Variants in SLC26A4 observed in about 807,000 individuals in gnomAD.
SLC26A4 encodes pendrin.
In SLC26A4, 93 loss-of-function variants were observed where a neutral mutation model predicts 90.4. The ratio of observed to expected loss-of-function variants is 1.03; its 90% CI spans 0.87 to 1.22. SLC26A4 has a LOEUF of 1.22. SLC26A4 is among the 50% of genes most tolerant of loss of function. SLC26A4 has a pLI of 0.00. For missense variants in SLC26A4, 1,127 were observed against 946.2 expected, an observed-to-expected ratio of 1.19 and a Z score of -2.51; for synonymous variants, 393 against 354.6, an observed-to-expected ratio of 1.11 and a Z score of -1.22.
At chr7:107,690,297 G>A in intron 10 of SLC26A4, 60 bp downstream of exon 10, 2 of 1,021,432 alleles carry the variant, frequency 2.0e-6, no homozygotes, top group East Asian at 2.4e-5. Context: ...TGGCAACAGA[G>A]GAAGGCTCGC....
chr7:107,661,365 A>G lies in SLC26A4; in HGVS notation c.-3-274A>G. The G allele has an allele frequency of 1.8e-6, 1 of 563,640 alleles. No individual in the cohort carries two copies. The highest frequency in any genetic ancestry group is 3.2e-6 in the Non-Finnish European group (1 of 313,662). 34.9% of individuals were successfully genotyped at this position (563,640 alleles called of 1,614,324 possible). ...GTGGAACTCGGGAAGCCCCCAGAGC[A>G]GGGGCTTACTCGCTTCAAGTTTGGG... On this transcript the variant is annotated intron_variant, in intron 1 of 20. Coordinates refer to ENST00000644269, the MANE Select transcript of SLC26A4 (RefSeq NM_000441.2). The surrounding 1 kb of genome is among the most constrained non-coding windows in gnomAD (Gnocchi z 5.1).
In SLC26A4 at chr7:107,717,223, G is replaced by A. The variant is rs987168129; in HGVS notation, c.*1777G>A. ...ATAGAAAAAAAGAAATTAGCCTAGC[G>A]TGGTGGCTGGCGGGCGCCTGTAGTC... On this transcript the variant is annotated 3_prime_UTR_variant, in exon 21 of 21. Coordinates refer to ENST00000644269, the MANE Select transcript of SLC26A4 (RefSeq NM_000441.2). 2 of 152,150 alleles carry A rather than the reference G, an allele frequency of 1.3e-5. No homozygotes were observed. Among genetic ancestry groups the A allele is most frequent in the South Asian group, 2.1e-4 (1 of 4,824 alleles). 9.4% of individuals were successfully genotyped at this position (152,150 alleles called of 1,614,324 possible).
chr7:107,710,086 T>C lies in SLC26A4; in HGVS notation c.2122T>C (p.Phe708Leu). Residue 708 changes from phenylalanine to leucine, a missense_variant, in exon 19 of 21, where the codon TTC becomes CTC. By Grantham distance (22) the Phe-to-Leu change is conservative. Transcript: ENST00000644269. ...YVIEKLEQCG[F>L]FDDNIRKDTF... ...GATAGAAAAGCTGGAGCAATGCGGG[T>C]TCTTTGACGACAACATTAGAAAGGA... 1 of 1,613,032 alleles carries C rather than the reference T, an allele frequency of 6.2e-7. No homozygotes were observed.
chr7:107,689,644 T>C (rs557614478), intron 9 of SLC26A4, among the ~76,000 whole-genome samples: 23 of 152,368 alleles, frequency 1.5e-4, no homozygotes, highest in African/African-American at 5.5e-4. Context: ...AGGCATGTGA[T>C]ACATTGCCAG....
In SLC26A4 at chr7:107,674,192, G is replaced by C. The variant is rs776269226; in HGVS notation, c.444G>C (p.Val148=). Residue 148 remains valine (V), a synonymous_variant, in exon 5 of 21, where the codon GTG becomes GTC. Transcript: ENST00000644269. ...VGPFPVVSLM[V]GSVVLSMAPD... Reference sequence around the variant, plus strand: ...CTTTTCCAGTGGTGAGTTTAATGGTGGGATCTGTTGTTCTGAGCATGGCCC... The same window carrying C: ...CTTTTCCAGTGGTGAGTTTAATGGTCGGATCTGTTGTTCTGAGCATGGCCC... 6.2e-7 allele frequency: 1 copy of C among 1,614,142 alleles called. No individual in the cohort carries two copies. Among genetic ancestry groups the C allele is most frequent in the South Asian group, 1.1e-5 (1 of 91,080 alleles).
intron 8 of SLC26A4, among the ~76,000 whole-genome samples, chr7:107,684,675 A>G (rs1791347242): frequency 6.6e-6 from 1 of 152,162 alleles, no homozygotes; most frequent in Non-Finnish European, 1.5e-5. Flanking sequence ...AACCTATTGA[A>G]TCAGGCTTTC....
chr7:107,686,837 T>G (rs1357284369), intron 8 of SLC26A4, among the ~76,000 whole-genome samples: 1 of 152,164 alleles, frequency 6.6e-6, no homozygotes, highest in African/African-American at 2.4e-5. Context: ...CCCTGTCCCA[T>G]CAATCTGGGT....
At position 107,661,370 on chromosome 7, in the gene SLC26A4, C is replaced by T. The variant is rs111998905; in HGVS notation, c.-3-269C>T. On this transcript the variant is annotated intron_variant, in intron 1 of 20. Coordinates refer to ENST00000644269, the MANE Select transcript of SLC26A4 (RefSeq NM_000441.2). The surrounding 1 kb of genome is among the most constrained non-coding windows in gnomAD (Gnocchi z 5.1). Reference sequence around the variant, plus strand: ...ACTCGGGAAGCCCCCAGAGCAGGGGCTTACTCGCTTCAAGTTTGGGGAACC... The same window carrying T: ...ACTCGGGAAGCCCCCAGAGCAGGGGTTTACTCGCTTCAAGTTTGGGGAACC... 3 of 573,092 alleles carry T rather than the reference C, an allele frequency of 5.2e-6. No individual in the cohort carries two copies. The highest frequency in any genetic ancestry group is 3.8e-5 in the African/African-American group (2 of 53,066). 35.5% of individuals were successfully genotyped at this position (573,092 alleles called of 1,614,324 possible).
At chr7:107,694,552 G>C in intron 11 of SLC26A4, 69 bp from the exon 12 acceptor site, 1 of 1,521,118 alleles carries the variant, frequency 6.6e-7, no homozygotes, top group Non-Finnish European at 9.1e-7. Flanking sequence ...TAAATAACAG[G>C]AGATTTAACA....
intron 2 of SLC26A4, among the ~76,000 whole-genome samples, chr7:107,662,420 T>G (rs1790586628): frequency 6.6e-6 from 1 of 152,160 alleles, no homozygotes; most frequent in Non-Finnish European, 1.5e-5. Context: ...TTCAAATATA[T>G]GCATAAGTAG....
chr7:107,672,206 C>T lies in SLC26A4; in HGVS notation c.373C>T (p.Leu125=), dbSNP rs769776956. Residue 125 remains leucine (L), a synonymous_variant, in exon 4 of 21, where the codon CTG becomes TTG. Transcript: ENST00000644269. ...TCTCTACTCTGCTTTTTTCCCTATC[C>T]TGACATACTTTATCTTTGGAACATC... is the stretch of plus-strand genomic sequence containing the variant. ...YGLYSAFFPI[L]TYFIFGTSRH... is the part of the protein sequence containing the mutation. 3 of 1,611,510 alleles carry T rather than the reference C, an allele frequency of 1.9e-6. No individual in the cohort carries two copies. Among genetic ancestry groups the T allele is most frequent in the Admixed American group, 1.7e-5 (1 of 60,006 alleles).
chr7:107,667,749 G>A lies in SLC26A4; in HGVS notation c.304+4314G>A, dbSNP rs575250162. Among the ~76,000 whole-genome samples, 46 of 152,250 alleles carry A rather than the reference G, an allele frequency of 3.0e-4. 1 individual carries two copies. Among genetic ancestry groups the A allele is most frequent in the African/African-American group, 8.9e-4 (37 of 41,546 alleles). The stretch of plus-strand genomic sequence containing the variant: ...AGCAAAGTAGTAAAAAGGGGCAAAC[G>A]TGGAGGGGTTTGAGAATGGAACTAG... On this transcript the variant is annotated intron_variant, in intron 3 of 20. Coordinates refer to ENST00000644269, the MANE Select transcript of SLC26A4 (RefSeq NM_000441.2).
At position 107,690,272 on chromosome 7, in the gene SLC26A4, G is replaced by T. The variant is rs373823323; in HGVS notation, c.1263+35G>T. The T allele has an allele frequency of 4.5e-4, 566 of 1,254,540 alleles. 2 individuals are homozygous for T. The African/African-American group carries it at 7.5e-3, about 17-fold the overall frequency. The allele number at this position is 1,254,540 out of a possible 1,614,324, so 77.7% of individuals were successfully genotyped here. On this transcript the variant is annotated intron_variant, in intron 10 of 20. Transcript: ENST00000644269. ...ACAGCCTTATGATATCCATCTCAGAGAACAAGTCGAGGAATGGCAACAGAG... is the reference window on the plus strand; with the variant it reads ...ACAGCCTTATGATATCCATCTCAGATAACAAGTCGAGGAATGGCAACAGAG...
At chr7:107,708,575 C>T (rs945888350) in intron 18 of SLC26A4, among the ~76,000 whole-genome samples, 9 of 151,986 alleles carry the variant, frequency 5.9e-5, no homozygotes, top group African/African-American at 1.2e-4. Flanking sequence ...ATAAATAGGC[C>T]GGTCATGGCG....
intron 18 of SLC26A4, among the ~76,000 whole-genome samples, chr7:107,709,703 T>G (rs1035228663): frequency 1.3e-5 from 2 of 152,220 alleles, no homozygotes; most frequent in Non-Finnish European, 2.9e-5. Flanking sequence ...CTACGACCAG[T>G]TATGGGATAA....
intron 17 of SLC26A4, 89 bp from the exon 18 acceptor site, chr7:107,704,242 A>G: frequency 1.4e-6 from 1 of 698,456 alleles, no homozygotes; most frequent in Middle Eastern, 2.4e-4. Flanking sequence ...GAAAGTAATA[A>G]TGTTTCTCCT....
rs765692309 is a variant in SLC26A4, at chr7:107,667,658, C to G, written c.304+4223C>G. Among the ~76,000 whole-genome samples, 4 of 151,564 alleles carry G rather than the reference C, an allele frequency of 2.6e-5. No individual in the cohort carries two copies. The South Asian group carries it at 8.3e-4, about 32-fold the overall frequency. ...GAGATACTAGAACGTATTTGTGAAC[C>G]GATAGGAATGACCTAGTAGAAAGAA... On this transcript the variant is annotated intron_variant, in intron 3 of 20. Transcript: ENST00000644269.
chr7:107,715,553 C>A lies in SLC26A4; in HGVS notation c.*107C>A. On this transcript the variant is annotated 3_prime_UTR_variant, in exon 21 of 21. Transcript: ENST00000644269. ...ACACTCATTCTTTTTTCTATTAAGC[C>A]ATTGAAAGAGAAGCACTAAGACTGC... 2.2e-6 allele frequency: 2 copies of A among 906,082 alleles called. No individual in the cohort carries two copies. The highest frequency in any genetic ancestry group is 3.7e-6 in the Non-Finnish European group (2 of 533,724). 56.1% of individuals were successfully genotyped at this position (906,082 alleles called of 1,614,324 possible).
At chr7:107,676,006 A>C (rs898701318) in intron 6 of SLC26A4, among the ~76,000 whole-genome samples, 6 of 152,254 alleles carry the variant, frequency 3.9e-5, no homozygotes, top group Non-Finnish European at 7.3e-5. Flanking sequence ...CTGCTCTGGA[A>C]TGTAACAGAC....
Sources: gnomAD v4.1 joint callset for allele counts (sites outside exome capture counted in the v4.1 genomes callset) on GRCh38, gnomAD v4.1.1 for gene constraint, Gnocchi (gnomAD v3.1) non-coding constraint, MANE v1.5 for transcripts, NCBI Gene and HGNC (gene_info 2026-07-23, HGNC 2026-07-21) for gene names.